PCDHGA2: variants seen among roughly 807,000 people sequenced by gnomAD.
PCDHGA2 encodes the protein protocadherin gamma-A2.
Under a neutral mutation model 59.2 loss-of-function variants are expected in PCDHGA2, and 40 were observed. The ratio of observed to expected loss-of-function variants is 0.68; its 90% confidence interval spans 0.52 to 0.88. PCDHGA2 has a LOEUF of 0.88. Among genes scored for constraint, PCDHGA2 ranks in the 40% least tolerant of loss-of-function variants. PCDHGA2 has a pLI of 0.00. For synonymous variants in PCDHGA2, 560 were observed against 526.0 expected, an observed-to-expected ratio of 1.06 and a Z score of -0.89; for missense variants, 1,226 against 1,204.0, an observed-to-expected ratio of 1.02 and a Z score of -0.27.
intron 1 of PCDHGA2, chr5:141,415,743 T>G (rs1317934891): frequency 9.6e-6 from 3 of 311,420 alleles, no homozygotes; most frequent in Non-Finnish European, 1.2e-5. Context: ...TATTAAGGTT[T>G]TTTTTTTTTT....
At chr5:141,419,897 A>C in intron 1 of PCDHGA2, 1 of 1,613,960 alleles carries the variant, frequency 6.2e-7, no homozygotes, top group Non-Finnish European at 8.5e-7. Context: ...CGACCATCCC[A>C]CACCCTCTGA....
chr5:141,339,706 C>CGAG lies in PCDHGA2; in HGVS notation c.736_738dup (p.Glu246dup), dbSNP rs767349626. Reference sequence around the variant, plus strand: ...ACAATGCGCCTGTTTTTACACAGCCCGAGTACCGCATAAGCATTCCGGAGA... The same window carrying CGAG: ...ACAATGCGCCTGTTTTTACACAGCCCGAGGAGTACCGCATAAGCATTCCGGAGA... On this transcript the variant is annotated inframe_insertion, in exon 1 of 4. Transcript: ENST00000394576. 3.1e-6 allele frequency: 5 copies of CGAG among 1,614,150 alleles called. No individual in the cohort carries two copies. The highest frequency in any genetic ancestry group is 4.2e-6 in the Non-Finnish European group (5 of 1,180,032).
At chr5:141,388,216 A>G (rs1391427454) in intron 1 of PCDHGA2, 1 of 1,598,862 alleles carries the variant, frequency 6.3e-7, no homozygotes, top group African/African-American at 1.4e-5. Flanking sequence ...GCTGTTGCTG[A>G]AAATCCACTG....
chr5:141,395,448 T>C, intron 1 of PCDHGA2: 1 of 647,116 alleles, frequency 1.5e-6, no homozygotes, highest in Non-Finnish European at 2.5e-6. Flanking sequence ...GAAAAGATTG[T>C]TCAACCATTT....
chr5:141,492,719 C>A (rs1367632029), intron 1 of PCDHGA2, among the ~76,000 whole-genome samples: 1 of 152,280 alleles, frequency 6.6e-6, no homozygotes, highest in Non-Finnish European at 1.5e-5. Context: ...AGCAGGCGGA[C>A]AGGCAGAGCT....
chr5:141,365,838 C>A, intron 1 of PCDHGA2: 1 of 1,613,976 alleles, frequency 6.2e-7, no homozygotes, highest in Non-Finnish European at 8.5e-7. Flanking sequence ...CCCTTGTCCT[C>A]CTATGTATCC....
intron 1 of PCDHGA2, among the ~76,000 whole-genome samples, chr5:141,358,690 T>A (rs1760993799): frequency 6.6e-6 from 1 of 152,206 alleles, no homozygotes; most frequent in South Asian, 2.1e-4. Context: ...TATCATGACA[T>A]CACTATTGAG....
At chr5:141,506,119 G>T (rs1171566108) in intron 3 of PCDHGA2, among the ~76,000 whole-genome samples, 1 of 152,106 alleles carries the variant, frequency 6.6e-6, no homozygotes, top group African/African-American at 2.4e-5. Context: ...AGTCACTAGG[G>T]CCCAGAGCAG....
chr5:141,371,864 C>T (rs751844207), intron 1 of PCDHGA2: 1 of 1,613,570 alleles, frequency 6.2e-7, no homozygotes, highest in South Asian at 1.1e-5. Context: ...TCTCCTACTA[C>T]ATCGTGGCCA....
intron 1 of PCDHGA2, chr5:141,351,038 C>T (rs1335852505): frequency 1.9e-6 from 3 of 1,614,004 alleles, no homozygotes; most frequent in East Asian, 4.5e-5. Context: ...CTCCGTGCTG[C>T]GGGTGATGGC....
At chr5:141,404,947 T>G (rs561446437) in intron 1 of PCDHGA2, 9 of 1,613,826 alleles carry the variant, frequency 5.6e-6, no homozygotes, top group Non-Finnish European at 7.6e-6. Flanking sequence ...TAGCCATAGC[T>G]GACAGCATCC....
In PCDHGA2 at chr5:141,383,904, C is replaced by T. The variant is rs759650044; in HGVS notation, c.2424+42509C>T. ...GTCTGACAAAGGCAAAAGTACTGAT[C>T]ACAGTTTTAGATGTAAATGATAATG... On this transcript the variant is annotated intron_variant, in intron 1 of 3. Coordinates refer to ENST00000394576, the MANE Select transcript of PCDHGA2 (RefSeq NM_018915.4). The T allele has an allele frequency of 1.1e-5, 18 of 1,613,626 alleles. No homozygotes were observed. The South Asian group carries it at 1.8e-4, about 16-fold the overall frequency.
chr5:141,380,753 C>T (rs976627974), intron 1 of PCDHGA2, among the ~76,000 whole-genome samples: 2 of 152,104 alleles, frequency 1.3e-5, no homozygotes, highest in Non-Finnish European at 2.9e-5. Context: ...GGTACCAAGA[C>T]ACTATAAATT....
At chr5:141,398,036 A>C (rs151208588) in intron 1 of PCDHGA2, 2 of 1,478,020 alleles carry the variant, frequency 1.4e-6, no homozygotes, top group African/African-American at 2.8e-5. Context: ...CTGGAACTAA[A>C]GCCCGTTCGG....
chr5:141,423,895 G>T, intron 1 of PCDHGA2: 1 of 1,277,758 alleles, frequency 7.8e-7, no homozygotes, highest in Non-Finnish European at 9.9e-7. Flanking sequence ...ATTTTCTTTT[G>T]ATTTCAAAGG....
intron 1 of PCDHGA2, among the ~76,000 whole-genome samples, chr5:141,473,191 G>A (rs28479996): frequency 0.019 from 2,957 of 152,242 alleles, 87 homozygotes; most frequent in African/African-American, 0.062. Context: ...AGGAGTAAAT[G>A]TATCTTCTAA....
chr5:141,360,869 A>G, intron 1 of PCDHGA2: 1 of 1,614,016 alleles, frequency 6.2e-7, no homozygotes, highest in Non-Finnish European at 8.5e-7. Flanking sequence ...TTCAGCCAGG[A>G]CGTGTACAGG....
intron 3 of PCDHGA2, among the ~76,000 whole-genome samples, chr5:141,509,437 C>T (rs923580110): frequency 2.6e-5 from 4 of 152,104 alleles, no homozygotes; most frequent in African/African-American, 9.7e-5. Context: ...ACTCTTGTTT[C>T]CTCCTCTCCC....
chr5:141,355,903 A>G (rs1174230153), intron 1 of PCDHGA2: 1 of 1,613,604 alleles, frequency 6.2e-7, no homozygotes, highest in African/African-American at 1.3e-5. Flanking sequence ...ACTTGTGGAT[A>G]CCAACGATAA....
Sources: gnomAD v4.1 joint callset for allele counts (sites outside exome capture counted in the v4.1 genomes callset) on GRCh38, gnomAD v4.1.1 for gene constraint, MANE v1.5 for transcripts, NCBI Gene and HGNC (gene_info 2026-07-23, HGNC 2026-07-21) for gene names.